SLC36A1: variants seen among roughly 807,000 people sequenced by gnomAD.
SLC36A1 encodes solute carrier family 36 member 1.
In SLC36A1, 30 loss-of-function variants were observed where a neutral mutation model predicts 47.5. The observed-to-expected ratio is 0.63, with a 90% confidence interval of 0.47 to 0.86. The LOEUF (loss-of-function observed/expected upper bound fraction) is 0.86. Ranked by LOEUF, SLC36A1 falls within the 40% of genes least tolerant of loss-of-function variation. SLC36A1 has a pLI of 0.00. For synonymous variants in SLC36A1, 255 were observed against 249.7 expected, an observed-to-expected ratio of 1.02 and a Z score of -0.20; for missense variants, 517 against 606.0, an observed-to-expected ratio of 0.85 and a Z score of 1.54.
chr5:151,458,049 T>C (rs969810925), intron 1 of SLC36A1, among the ~76,000 whole-genome samples: 1 of 151,718 alleles, frequency 6.6e-6, no homozygotes, highest in African/African-American at 2.4e-5. Context: ...GGTTTCTCCA[T>C]GTTACTCAGG....
chr5:151,463,940 A>G (rs557572966), intron 3 of SLC36A1, among the ~76,000 whole-genome samples: 2 of 152,200 alleles, frequency 1.3e-5, no homozygotes, highest in African/African-American at 2.4e-5. Flanking sequence ...AGTTTCTGTC[A>G]ATAATATGAA....
the SLC36A1 span, among the ~76,000 whole-genome samples, chr5:151,415,126 A>G: frequency 3.9e-5 from 6 of 152,150 alleles, no homozygotes; most frequent in African/African-American, 1.4e-4. Flanking sequence ...TTTGACTTTG[A>G]CACTGAATAC....
chr5:151,367,567 G>A, the SLC36A1 span, among the ~76,000 whole-genome samples: 1 of 151,808 alleles, frequency 6.6e-6, no homozygotes, highest in Non-Finnish European at 1.5e-5. Flanking sequence ...TCTTTTTCAA[G>A]GTGCACTGAT....
chr5:151,449,245 G>T (rs1317147142), intron 1 of SLC36A1, among the ~76,000 whole-genome samples: 1 of 152,186 alleles, frequency 6.6e-6, no homozygotes, highest in African/African-American at 2.4e-5. Context: ...AGCTGAAAAT[G>T]ATTTTTAACT....
At chr5:151,521,198 A>C in the SLC36A1 span, 1 of 1,416,764 alleles carries the variant, frequency 7.1e-7, no homozygotes, top group Non-Finnish European at 9.5e-7. Context: ...ACAGAGCCTC[A>C]GTGGAATCTC....
At chr5:151,524,159 C>T in the SLC36A1 span, among the ~76,000 whole-genome samples, 7 of 152,190 alleles carry the variant, frequency 4.6e-5, 1 homozygote, top group South Asian at 2.1e-4. Flanking sequence ...ATCCCTTTTC[C>T]GTCTGAAACC....
At chr5:151,435,161 C>T (rs930543085), upstream of SLC36A1, among the ~76,000 whole-genome samples, 1 of 152,132 alleles carries the variant, frequency 6.6e-6, no homozygotes, top group Non-Finnish European at 1.5e-5. Flanking sequence ...GATCTAAAGT[C>T]AGCCAGATTG....
chr5:151,518,172 TAAAATA>T, the SLC36A1 span, among the ~76,000 whole-genome samples: 1 of 151,590 alleles, frequency 6.6e-6, no homozygotes, highest in South Asian at 2.1e-4. Context: ...CTCTAAAACA[TAAAATA>T]AAAATAAAAA....
intron 10 of SLC36A1, among the ~76,000 whole-genome samples, chr5:151,487,406 C>T (rs1417470625): frequency 6.6e-6 from 1 of 151,658 alleles, no homozygotes; most frequent in Non-Finnish European, 1.5e-5. Context: ...CACAGAGATA[C>T]GGTCGTCGTG....
chr5:151,378,258 C>G, the SLC36A1 span: 2 of 222,692 alleles, frequency 9.0e-6, no homozygotes, highest in Admixed American at 9.0e-5. Context: ...TAAACACCAT[C>G]CCAACAGACT....
chr5:151,458,036 C>T (rs866114251), intron 1 of SLC36A1, among the ~76,000 whole-genome samples: 7 of 151,454 alleles, frequency 4.6e-5, no homozygotes, highest in Non-Finnish European at 1.0e-4. Context: ...TTAGTAGAGA[C>T]GGGGTTTCTC....
intron 4 of SLC36A1, 57 bp downstream of exon 4, chr5:151,464,659 T>C: frequency 6.8e-7 from 1 of 1,478,836 alleles, no homozygotes; most frequent in South Asian, 1.1e-5. Flanking sequence ...GGTTCTGTTA[T>C]CAACCCTGAA....
At chr5:151,390,934 A>G in the SLC36A1 span, among the ~76,000 whole-genome samples, 1 of 152,074 alleles carries the variant, frequency 6.6e-6, no homozygotes, top group Non-Finnish European at 1.5e-5. Context: ...TTTTTTTCCA[A>G]TTCTGTGAAG....
chr5:151,435,840 T>C (rs1759742565), upstream of SLC36A1, among the ~76,000 whole-genome samples: 1 of 117,442 alleles, frequency 8.5e-6, no homozygotes, highest in African/African-American at 4.0e-5. Flanking sequence ...TCTGTAATTA[T>C]TAATACAATA....
chr5:151,367,374 T>TTTCCC, the SLC36A1 span, among the ~76,000 whole-genome samples: 546 of 145,534 alleles, frequency 3.8e-3, 9 homozygotes, highest in African/African-American at 0.011. Context: ...TTTTTTTTTT[T>TTTCCC]CCCCAGGGTA....
chr5:151,405,037 G>T, the SLC36A1 span, among the ~76,000 whole-genome samples: 1 of 152,176 alleles, frequency 6.6e-6, no homozygotes, highest in Non-Finnish European at 1.5e-5. Context: ...CGAGTTGTAG[G>T]TTTGGTCTCT....
the SLC36A1 span, among the ~76,000 whole-genome samples, chr5:151,396,217 T>C: frequency 6.6e-6 from 1 of 151,980 alleles, no homozygotes; most frequent in Non-Finnish European, 1.5e-5. Flanking sequence ...GGTTCAAGCA[T>C]TTCTTCTGCC....
intron 10 of SLC36A1, among the ~76,000 whole-genome samples, chr5:151,487,662 C>T (rs1759750196): frequency 6.6e-6 from 1 of 152,092 alleles, no homozygotes; most frequent in African/African-American, 2.4e-5. Flanking sequence ...TGGGTAGAAA[C>T]CAGATTGACC....
the SLC36A1 span, among the ~76,000 whole-genome samples, chr5:151,390,263 T>C: frequency 7.1e-4 from 108 of 152,350 alleles, no homozygotes; most frequent in African/African-American, 2.5e-3. Flanking sequence ...GGTTGTTTGT[T>C]TTTTTCTTGT....
Sources: gnomAD v4.1 joint callset for allele counts (sites outside exome capture counted in the v4.1 genomes callset) on GRCh38, gnomAD v4.1.1 for gene constraint, MANE v1.5 for transcripts, NCBI Gene and HGNC (gene_info 2026-07-23, HGNC 2026-07-21) for gene names.